Variants in MECOM observed in about 807,000 individuals in gnomAD.
The protein encoded by MECOM is MDS1 and EVI1 complex locus, also known as histone-lysine N-methyltransferase MECOM.
Under a neutral mutation model 116.3 loss-of-function variants are expected in MECOM, and 13 were observed. The ratio of observed to expected loss-of-function variants is 0.11; its 90% CI spans 0.07 to 0.18. The LOEUF is 0.18. MECOM is among the 10% of genes least tolerant of loss of function. The pLI, the probability that MECOM is intolerant of heterozygous loss-of-function variation, is 1.00. For missense variants in MECOM, 1,299 were observed against 1,509.0 expected (o/e 0.86, Z 2.31); for synonymous variants, 528 against 535.2 (o/e 0.99, Z 0.19).
At chr3:169,491,492 GA>G (rs1445829376) in intron 1 of MECOM, among the ~76,000 whole-genome samples, 1 of 152,080 alleles carries the variant, frequency 6.6e-6, no homozygotes, top group African/African-American at 2.4e-5. Flanking sequence ...CTATAAAACA[GA>G]AAAATAAGAA....
At chr3:169,599,475 T>C (rs1767562712) in intron 1 of MECOM, among the ~76,000 whole-genome samples, 1 of 144,246 alleles carries the variant, frequency 6.9e-6, no homozygotes, top group Non-Finnish European at 1.5e-5. Context: ...ATCAAGCCAC[T>C]GCACTCCAAC....
intron 1 of MECOM, among the ~76,000 whole-genome samples, chr3:169,627,574 GA>G (rs934340808): frequency 3.3e-5 from 5 of 152,062 alleles, no homozygotes; most frequent in African/African-American, 4.8e-5. Context: ...CTTACACAAG[GA>G]AAAAAATCAG....
intron 1 of MECOM, among the ~76,000 whole-genome samples, chr3:169,496,538 C>T (rs918962719): frequency 1.3e-5 from 2 of 152,160 alleles, no homozygotes; most frequent in African/African-American, 4.8e-5. Context: ...GAGGGTTGCT[C>T]TTCCCAAGGG....
chr3:169,271,395 A>C (rs1464826822), intron 2 of MECOM, among the ~76,000 whole-genome samples: 1 of 152,260 alleles, frequency 6.6e-6, no homozygotes, highest in Non-Finnish European at 1.5e-5. Context: ...TCGCTAAATT[A>C]CCAAGCCAAG....
intron 1 of MECOM, among the ~76,000 whole-genome samples, chr3:169,513,053 G>A (rs758651565): frequency 1.1e-4 from 17 of 152,146 alleles, no homozygotes; most frequent in Admixed American, 2.0e-4. Context: ...CTCTAGGCCC[G>A]GGTCCAACTC....
At chr3:169,462,173 C>A (rs1217252305) in intron 1 of MECOM, among the ~76,000 whole-genome samples, 1 of 152,138 alleles carries the variant, frequency 6.6e-6, no homozygotes, top group East Asian at 1.9e-4. Context: ...ACAACTCAAT[C>A]CTCTAGCCAG....
intron 1 of MECOM, among the ~76,000 whole-genome samples, chr3:169,543,400 T>A (rs1345629049): frequency 1.3e-5 from 2 of 152,086 alleles, no homozygotes; most frequent in Admixed American, 6.5e-5. Context: ...CATAGGAAGA[T>A]CCTGTCTCTA....
intron 1 of MECOM, among the ~76,000 whole-genome samples, chr3:169,396,339 A>G (rs1451889118): frequency 6.6e-6 from 1 of 152,190 alleles, no homozygotes; most frequent in Non-Finnish European, 1.5e-5. Flanking sequence ...ATGCTGTCAT[A>G]TATGGTACCC....
chr3:169,435,773 G>A (rs756116225), intron 1 of MECOM, among the ~76,000 whole-genome samples: 30 of 152,140 alleles, frequency 2.0e-4, no homozygotes, highest in Admixed American at 9.2e-4. Flanking sequence ...TGCATTTCTT[G>A]AAAAAATTCA....
chr3:169,575,717 A>C (rs1051810765), intron 1 of MECOM, among the ~76,000 whole-genome samples: 2 of 152,160 alleles, frequency 1.3e-5, no homozygotes, highest in African/African-American at 2.4e-5. Context: ...CAACTGGTGG[A>C]ACTGCACGGA....
At chr3:169,131,850 T>C (rs2149210235) in intron 3 of MECOM, 1 of 927,624 alleles carries the variant, frequency 1.1e-6, no homozygotes, top group Non-Finnish European at 1.3e-6. Context: ...CTTTCCCTTC[T>C]CTGAATCCTC....
At chr3:169,328,976 C>T (rs978698242) in intron 2 of MECOM, among the ~76,000 whole-genome samples, 12 of 152,134 alleles carry the variant, frequency 7.9e-5, no homozygotes, top group African/African-American at 2.9e-4. Context: ...AAATACTGTA[C>T]GGAACCTACT....
chr3:169,520,555 A>T (rs149170001), intron 1 of MECOM, among the ~76,000 whole-genome samples: 1 of 152,328 alleles, frequency 6.6e-6, no homozygotes, highest in African/African-American at 2.4e-5. Context: ...GATCATTAAG[A>T]CAGAATTAAT....
intron 1 of MECOM, among the ~76,000 whole-genome samples, chr3:169,413,311 G>T (rs1361744555): frequency 6.6e-6 from 1 of 152,152 alleles, no homozygotes; most frequent in African/African-American, 2.4e-5. Context: ...ATGAGGGACT[G>T]TGATTTCTGG....
At chr3:169,204,154 TC>T (rs1160779433) in intron 2 of MECOM, among the ~76,000 whole-genome samples, 1 of 152,244 alleles carries the variant, frequency 6.6e-6, no homozygotes, top group Admixed American at 6.5e-5. Flanking sequence ...CATAGGGTTT[TC>T]CCCATGAAGG....
intron 2 of MECOM, among the ~76,000 whole-genome samples, chr3:169,250,089 C>T (rs1304290031): frequency 6.6e-6 from 1 of 152,160 alleles, no homozygotes; most frequent in East Asian, 1.9e-4. Flanking sequence ...GAAATGGGGG[C>T]TGGCGACCTG....
rs760720560 is a variant in MECOM at position 169,441,752 on chromosome 3, G to A, written c.38-60228C>T. ...TCTTTTTTTTTTTTTTTTAAAAAAG[G>A]GGGGGTCTTGCTCTGTCACCCAGGC... On this transcript the variant is annotated intron_variant, in intron 1 of 16. Coordinates refer to ENST00000651503, the MANE Select transcript of MECOM (RefSeq NM_004991.4). Among the ~76,000 whole-genome samples the A allele has an allele frequency of 4.3e-4, 45 of 103,502 alleles. 4 individuals carry two copies. The highest frequency in any genetic ancestry group is 9.0e-4 in the Admixed American group (9 of 10,042). 67.9% of individuals were successfully genotyped at this position (103,502 alleles called of 152,430 possible).
intron 2 of MECOM, among the ~76,000 whole-genome samples, chr3:169,286,794 C>T (rs1713411233): frequency 6.6e-6 from 1 of 152,068 alleles, no homozygotes; most frequent in African/African-American, 2.4e-5. Flanking sequence ...CTGGTGAGTC[C>T]TCAAAAGGGA....
intron 2 of MECOM, among the ~76,000 whole-genome samples, chr3:169,366,010 C>G (rs751590444): frequency 6.6e-6 from 1 of 151,046 alleles, no homozygotes; most frequent in Non-Finnish European, 1.5e-5. Flanking sequence ...AAAGGTTAAC[C>G]GGCTTCAGCT....
Sources: allele counts gnomAD v4.1 joint callset (sites outside exome capture counted in the v4.1 genomes callset), GRCh38; gene constraint gnomAD v4.1.1; transcripts MANE v1.5; gene names NCBI Gene and HGNC (gene_info 2026-07-23, HGNC 2026-07-21).